ZNF618: variants seen among roughly 807,000 people sequenced by gnomAD.
ZNF618 encodes the protein neural precursor cell expressed, developmentally down-regulated 10.
Under a neutral mutation model 103.0 loss-of-function variants are expected in ZNF618, and 34 were observed. The observed-to-expected ratio is 0.33, with a 90% CI of 0.25 to 0.44. The LOEUF (loss-of-function observed/expected upper bound fraction) is 0.44. Ranked by LOEUF, ZNF618 falls within the 20% of genes least tolerant of loss-of-function variation. ZNF618 has a pLI of 1.00. For missense variants in ZNF618, 1,059 were observed against 1,295.4 expected (o/e 0.82, Z 2.80); for synonymous variants, 551 against 542.2 (o/e 1.02, Z -0.23).
chr9:113,988,865 C>T (rs1839749331), intron 3 of ZNF618, among the ~76,000 whole-genome samples: 5 of 152,120 alleles, frequency 3.3e-5, no homozygotes, highest in Admixed American at 3.3e-4. Flanking sequence ...CCAGTGAATC[C>T]CTTTGTCTGT....
chr9:113,970,706 G>A (rs1837877663), intron 2 of ZNF618, among the ~76,000 whole-genome samples: 1 of 151,714 alleles, frequency 6.6e-6, no homozygotes, highest in Middle Eastern at 3.4e-3. Context: ...CTACCCTCAG[G>A]GAAGCTTTCC....
At chr9:114,042,190 A>C (rs1190431688) in intron 13 of ZNF618, among the ~76,000 whole-genome samples, 1 of 152,252 alleles carries the variant, frequency 6.6e-6, no homozygotes, top group Non-Finnish European at 1.5e-5. Context: ...GAAAGTAAAG[A>C]ATCGACCATA....
At chr9:113,904,458 T>G (rs1830816335) in intron 1 of ZNF618, among the ~76,000 whole-genome samples, 1 of 152,240 alleles carries the variant, frequency 6.6e-6, no homozygotes, top group Non-Finnish European at 1.5e-5. Context: ...ATTCTGAATT[T>G]TGATTCTGAA....
At chr9:113,897,790 T>A (rs964511574) in intron 1 of ZNF618, among the ~76,000 whole-genome samples, 3 of 152,150 alleles carry the variant, frequency 2.0e-5, no homozygotes, top group African/African-American at 7.2e-5. Context: ...CGTTTTTTGT[T>A]TTGTTTTGTT....
At chr9:113,938,165 G>GTTTTTTTTTT (rs770850585) in intron 1 of ZNF618, among the ~76,000 whole-genome samples, 2 of 95,526 alleles carry the variant, frequency 2.1e-5, no homozygotes, top group African/African-American at 8.0e-5. Context: ...TCAGGCTCCT[G>GTTTTTTTTTT]TTTTTTTTTT....
intron 10 of ZNF618, among the ~76,000 whole-genome samples, chr9:114,026,888 G>T (rs1362756965): frequency 6.6e-6 from 1 of 152,140 alleles, no homozygotes; most frequent in East Asian, 1.9e-4. Context: ...CAAAGGCCGA[G>T]AGAGGGGAGG....
At chr9:113,987,470 A>G (rs540002596) in intron 2 of ZNF618, among the ~76,000 whole-genome samples, 1 of 152,308 alleles carries the variant, frequency 6.6e-6, no homozygotes, top group East Asian at 1.9e-4. Flanking sequence ...CCTCCATGCC[A>G]CAGTGTTGGC....
chr9:114,013,424 A>ATTTATTT (rs1188717481), intron 9 of ZNF618, among the ~76,000 whole-genome samples: 1 of 152,106 alleles, frequency 6.6e-6, no homozygotes, highest in African/African-American at 2.4e-5. Context: ...TGAGGGTTTT[A>ATTTATTT]TTTATTTTTT....
At chr9:113,950,053 C>A (rs1258081354) in intron 1 of ZNF618, among the ~76,000 whole-genome samples, 1 of 152,152 alleles carries the variant, frequency 6.6e-6, no homozygotes, top group Admixed American at 6.5e-5. Flanking sequence ...ATTAGACTAA[C>A]AACGTAATTA....
chr9:113,889,350 T>TCTCTCTCCCTCCCTCCCTCCCTCC (rs1191014933), intron 1 of ZNF618, among the ~76,000 whole-genome samples: 21 of 148,464 alleles, frequency 1.4e-4, no homozygotes, highest in South Asian at 2.2e-4. Flanking sequence ...TCTCTCTTTC[T>TCTCTCTCCCTCCCTCCCTCCCTCC]CTCCCTCCCT....
At chr9:113,991,698 G>A (rs1228704658) in intron 3 of ZNF618, among the ~76,000 whole-genome samples, 2 of 152,190 alleles carry the variant, frequency 1.3e-5, no homozygotes, top group African/African-American at 2.4e-5. Context: ...TAGAAGACAG[G>A]GATTCCAAGT....
intron 1 of ZNF618, among the ~76,000 whole-genome samples, chr9:113,897,419 C>T (rs143739694): frequency 9.2e-5 from 14 of 152,272 alleles, no homozygotes; most frequent in African/African-American, 3.4e-4. Flanking sequence ...TTCCTGAATG[C>T]CTGTATCACT....
chr9:113,961,297 C>A (rs1042901085), intron 1 of ZNF618, among the ~76,000 whole-genome samples: 1 of 152,162 alleles, frequency 6.6e-6, no homozygotes, highest in Non-Finnish European at 1.5e-5. Flanking sequence ...AATGCCTGTC[C>A]CCTTCACTGT....
At chr9:113,987,496 C>T (rs1303767840) in intron 2 of ZNF618, among the ~76,000 whole-genome samples, 1 of 152,178 alleles carries the variant, frequency 6.6e-6, no homozygotes, top group East Asian at 1.9e-4. Context: ...GACATCTCAA[C>T]CTAGTGAGTC....
chr9:113,929,024 C>T (rs1419722419), intron 1 of ZNF618, among the ~76,000 whole-genome samples: 1 of 152,154 alleles, frequency 6.6e-6, no homozygotes, highest in Non-Finnish European at 1.5e-5. Flanking sequence ...ACACTCTATG[C>T]TATTTCAGAA....
chr9:113,976,861 T>C (rs1052279179), intron 2 of ZNF618, among the ~76,000 whole-genome samples: 1 of 152,204 alleles, frequency 6.6e-6, no homozygotes, highest in East Asian at 1.9e-4. Context: ...TGAGTTCCTA[T>C]TAGATATATG....
At chr9:113,912,713 G>A (rs532737614) in intron 1 of ZNF618, among the ~76,000 whole-genome samples, 10 of 152,212 alleles carry the variant, frequency 6.6e-5, no homozygotes, top group East Asian at 3.9e-4. Flanking sequence ...CTCCCCTGTC[G>A]TGGGATGCAC....
chr9:114,016,605 G>C, intron 9 of ZNF618, 90 bp from the exon 10 acceptor site: 1 of 909,652 alleles, frequency 1.1e-6, no homozygotes, highest in Non-Finnish European at 1.8e-6. Flanking sequence ...CCCAGAATGG[G>C]GAGGAGTTTT....
intron 1 of ZNF618, among the ~76,000 whole-genome samples, chr9:113,892,269 G>A (rs747332438): frequency 3.3e-5 from 5 of 152,010 alleles, no homozygotes; most frequent in Non-Finnish European, 5.9e-5. Flanking sequence ...ATAGAACTAC[G>A]AACATCCTCC....
Sources: allele counts gnomAD v4.1 joint callset (sites outside exome capture counted in the v4.1 genomes callset), GRCh38; gene constraint gnomAD v4.1.1; transcripts MANE v1.5; gene names NCBI Gene and HGNC (gene_info 2026-07-23, HGNC 2026-07-21).